The following HPSE2 variants were observed in gnomAD, a reference collection of about 807,000 sequenced individuals.
The protein encoded by HPSE2 is heparanase 2 (inactive), also known as inactive heparanase-2.
A neutral mutation model predicts 60.5 loss-of-function variants in HPSE2; 38 were observed. The observed-to-expected ratio is 0.63, with a 90% CI of 0.48 to 0.82. HPSE2 has a LOEUF of 0.82. Ranked by LOEUF, HPSE2 falls within the 40% of genes least tolerant of loss-of-function variation. The pLI, the probability that HPSE2 is intolerant of heterozygous loss-of-function variation, is 0.00. For synonymous variants in HPSE2, 295 were observed against 293.2 expected, an observed-to-expected ratio of 1.01 and a Z score of -0.06; for missense variants, 713 against 740.4, an observed-to-expected ratio of 0.96 and a Z score of 0.43.
intron 2 of HPSE2, among the ~76,000 whole-genome samples, chr10:99,227,867 A>C (rs922348234): frequency 1.2e-5 from 1 of 81,514 alleles, no homozygotes; most frequent in South Asian, 6.1e-4. Context: ...GAATGTGTAT[A>C]TATGTGTGTG....
intron 3 of HPSE2, among the ~76,000 whole-genome samples, chr10:98,828,214 A>G (rs6584223): frequency 0.23 from 35,064 of 152,186 alleles, 4,445 homozygotes; most frequent in African/African-American, 0.32. Context: ...TAACTAATAG[A>G]CACTGCTTCT....
chr10:98,889,812 C>CA (rs769625640), intron 3 of HPSE2, among the ~76,000 whole-genome samples: 11 of 152,056 alleles, frequency 7.2e-5, no homozygotes, highest in Non-Finnish European at 1.5e-4. Flanking sequence ...ATCAAATTAA[C>CA]AAAACTTACA....
At chr10:98,595,641 C>G (rs1465196033) in intron 9 of HPSE2, among the ~76,000 whole-genome samples, 2 of 152,098 alleles carry the variant, frequency 1.3e-5, no homozygotes, top group Non-Finnish European at 2.9e-5. Flanking sequence ...ATCATGTCAT[C>G]TGCAAAAAGG....
the HPSE2 span, among the ~76,000 whole-genome samples, chr10:99,266,770 A>G: frequency 6.6e-6 from 1 of 152,210 alleles, no homozygotes; most frequent in Admixed American, 6.5e-5. Context: ...ACCTCTAACA[A>G]AGCAGGTGCT....
At chr10:99,079,169 G>A (rs1843046114) in intron 3 of HPSE2, among the ~76,000 whole-genome samples, 1 of 152,140 alleles carries the variant, frequency 6.6e-6, no homozygotes, top group African/African-American at 2.4e-5. Context: ...AGTATGCTGG[G>A]TCCCTTAGTT....
intron 2 of HPSE2, among the ~76,000 whole-genome samples, chr10:99,204,577 G>T (rs915231746): frequency 2.0e-5 from 3 of 152,216 alleles, no homozygotes; most frequent in African/African-American, 7.2e-5. Flanking sequence ...AAATGGAGAT[G>T]TATAAACCGC....
chr10:99,070,825 A>G (rs188082600), intron 3 of HPSE2, among the ~76,000 whole-genome samples: 22 of 152,266 alleles, frequency 1.4e-4, no homozygotes, highest in African/African-American at 5.3e-4. Context: ...ATGTTGCTGC[A>G]TATTTCAAGA....
chr10:98,893,058 A>T (rs962687783), intron 3 of HPSE2, among the ~76,000 whole-genome samples: 1 of 151,418 alleles, frequency 6.6e-6, no homozygotes, highest in Non-Finnish European at 1.5e-5. Flanking sequence ...TTTATTTTTA[A>T]TTTTATTTAT....
At chr10:99,113,517 A>C (rs933842106) in intron 3 of HPSE2, among the ~76,000 whole-genome samples, 2 of 152,182 alleles carry the variant, frequency 1.3e-5, no homozygotes, top group Non-Finnish European at 1.5e-5. Context: ...GCGGTAATAT[A>C]TAATTACATT....
chr10:98,588,801 G>A (rs1261238983), intron 9 of HPSE2, among the ~76,000 whole-genome samples: 1 of 152,030 alleles, frequency 6.6e-6, no homozygotes, highest in East Asian at 1.9e-4. Context: ...GATAGCACAT[G>A]AGCCACAAGG....
chr10:98,825,580 T>G (rs1433863622), intron 3 of HPSE2, among the ~76,000 whole-genome samples: 2 of 136,076 alleles, frequency 1.5e-5, no homozygotes, highest in Non-Finnish European at 3.0e-5. Context: ...ACACTGGTGC[T>G]TATAGGGATA....
chr10:98,488,512 C>T (rs1941521984), intron 10 of HPSE2, among the ~76,000 whole-genome samples: 1 of 152,180 alleles, frequency 6.6e-6, no homozygotes, highest in Non-Finnish European at 1.5e-5. Flanking sequence ...CACTCGAGAT[C>T]ACGTGAGGAG....
chr10:99,070,619 T>A (rs1396941401), intron 3 of HPSE2, among the ~76,000 whole-genome samples: 1 of 152,230 alleles, frequency 6.6e-6, no homozygotes, highest in Admixed American at 6.5e-5. Context: ...TCATCTTGTA[T>A]AACTGAAATT....
rs7074540 is a variant in HPSE2, at chr10:98,744,179, T to G, written c.611-123A>C. The G allele has an allele frequency of 4.8e-3, 4,307 of 900,546 alleles. 142 individuals are homozygous for G. In the African/African-American group the frequency reaches 0.064, roughly 13 times the overall value. The allele number at this position is 900,546 out of a possible 1,614,324, so 55.8% of individuals were successfully genotyped here. On this transcript the variant is annotated intron_variant, in intron 3 of 11. Transcript: ENST00000370552. The stretch of plus-strand genomic sequence containing the variant: ...CTAATAAGGAATAACACAGACAGGC[T>G]TCTAAAAGGGACTATTACCTTTTGG...
At chr10:99,030,255 G>T (rs751112883) in intron 3 of HPSE2, among the ~76,000 whole-genome samples, 1 of 152,112 alleles carries the variant, frequency 6.6e-6, no homozygotes, top group Non-Finnish European at 1.5e-5. Flanking sequence ...TATTATACTG[G>T]AACAGCTCAT....
intron 2 of HPSE2, among the ~76,000 whole-genome samples, chr10:99,208,560 C>T (rs1848841246): frequency 6.6e-6 from 1 of 152,002 alleles, no homozygotes; most frequent in Non-Finnish European, 1.5e-5. Flanking sequence ...ATGGTGCATG[C>T]CTATAGTCCC....
At chr10:99,298,550 T>C in the HPSE2 span, among the ~76,000 whole-genome samples, 1 of 152,150 alleles carries the variant, frequency 6.6e-6, no homozygotes, top group Admixed American at 6.5e-5. Flanking sequence ...TTGGGTTCAA[T>C]AAAAATTAGC....
At chr10:98,597,073 C>T (rs1945259399) in intron 9 of HPSE2, among the ~76,000 whole-genome samples, 1 of 152,062 alleles carries the variant, frequency 6.6e-6, no homozygotes, top group Non-Finnish European at 1.5e-5. Context: ...CCTTATAAAA[C>T]CATCAGCTCT....
At chr10:99,111,623 G>C (rs554899171) in intron 3 of HPSE2, among the ~76,000 whole-genome samples, 51 of 152,210 alleles carry the variant, frequency 3.4e-4, no homozygotes, top group Non-Finnish European at 6.6e-4. Context: ...TCTAATCTCA[G>C]TATACAAAAA....
Sources: gnomAD v4.1 joint callset for allele counts (sites outside exome capture counted in the v4.1 genomes callset) on GRCh38, gnomAD v4.1.1 for gene constraint, MANE v1.5 for transcripts, NCBI Gene and HGNC (gene_info 2026-07-23, HGNC 2026-07-21) for gene names.